Variants in CENPE observed in about 807,000 individuals in gnomAD.
CENPE encodes centromere protein E, also known as centromere-associated protein E.
In CENPE, 145 loss-of-function variants were observed where a neutral mutation model predicts 336.1. The observed-to-expected ratio is 0.43, with a 90% confidence interval of 0.38 to 0.50. The LOEUF is 0.50. Among genes scored for constraint, CENPE ranks in the 20% least tolerant of loss-of-function variants. The probability of loss-of-function intolerance (pLI) is 0.00; values close to 1 mark genes in which losing one functional copy is unlikely to be tolerated. For missense variants in CENPE, 2,719 were observed against 3,023.3 expected, an observed-to-expected ratio of 0.90 and a Z score of 2.36; for synonymous variants, 1,013 against 984.8, an observed-to-expected ratio of 1.03 and a Z score of -0.54.
chr4:103,159,127 G>T lies in CENPE; in HGVS notation c.2484C>A (p.Asp828Glu). 6.2e-7 allele frequency: 1 copy of T among 1,607,590 alleles called. No homozygotes were observed. Among genetic ancestry groups the T allele is most frequent in the Non-Finnish European group, 8.5e-7 (1 of 1,177,754 alleles). The change falls in exon 22 of 49, where the codon GAC (aspartate) becomes GAA (glutamate). Residue 828 changes from aspartate (D) to glutamate (E), a missense_variant. Asp to Glu is a conservative substitution (Grantham distance 45, BLOSUM62 2). Around this residue, in one of 5 missense-constraint regions of CENPE, gnomAD observed 2,437 missense variants for 2,513.3 expected, o/e 0.97. Coordinates refer to ENST00000265148, the MANE Select transcript of CENPE (RefSeq NM_001813.3). ...EFQNFKTLHM[D>E]FEQKYKMVLE... ...GGACCATCTTATACTTTTGCTCAAA[G>T]TCCATATGAAGGGTTTTGAAATTTT...
In CENPE at chr4:103,194,345, A is replaced by G. The variant is rs757050374; in HGVS notation, c.627+29T>C. On this transcript the variant is annotated intron_variant, in intron 7 of 48. Transcript: ENST00000265148. ...AAAATTAGTGCATTCTTACTTGGAA[A>G]GATCTAACAGATAGATAGAATTACC... 9.3e-6 allele frequency: 15 copies of G among 1,606,354 alleles called. No individual in the cohort carries two copies. In the African/African-American group the frequency reaches 1.1e-4, roughly 11 times the overall value.
chr4:103,161,755 T>G (rs1360411213), intron 18 of CENPE, among the ~76,000 whole-genome samples: 1 of 152,146 alleles, frequency 6.6e-6, no homozygotes, highest in Non-Finnish European at 1.5e-5. Context: ...GATGAAGTTT[T>G]CTATGTATTT....
At chr4:103,178,927 C>A (rs897936614) in intron 13 of CENPE, among the ~76,000 whole-genome samples, 1 of 152,158 alleles carries the variant, frequency 6.6e-6, no homozygotes, top group Admixed American at 6.6e-5. Context: ...AGTTAATGCC[C>A]AAATTGATAT....
Position 103,136,336 on chromosome 4 carries a change from C to T in CENPE, c.6327G>A (p.Glu2109=), listed in dbSNP as rs950170655. 1.9e-6 allele frequency: 3 copies of T among 1,609,838 alleles called. No homozygotes were observed. The highest frequency in any genetic ancestry group is 1.7e-5 in the Admixed American group (1 of 59,722). ...RIKELLKRYS[E]MDDHYECLNR... ...TCAAGCACTCATAATGATCATCCAT[C>T]TCTGAGTATCTCTTCAAAAGCTCCT... The change falls in exon 40 of 49, where the codon GAG becomes GAA. Residue 2109 remains glutamate (E), a synonymous_variant. Transcript: ENST00000265148.
chr4:103,189,476 G>C (rs1388533867), intron 8 of CENPE, among the ~76,000 whole-genome samples: 1 of 152,164 alleles, frequency 6.6e-6, no homozygotes, highest in East Asian at 1.9e-4. Flanking sequence ...GGGATGCAAG[G>C]CTGGTTTAAC....
At chr4:103,196,698 C>G (rs1190333288) in intron 2 of CENPE, 61 bp downstream of exon 2, 2 of 795,160 alleles carry the variant, frequency 2.5e-6, no homozygotes, top group African/African-American at 3.5e-5. Context: ...ATTGATAAGC[C>G]TTTTGTACTT....
rs766797389 is a variant in CENPE at position 103,145,710 on chromosome 4, T to A, written c.4414-29A>T. The A allele has an allele frequency of 5.2e-6, 8 of 1,540,370 alleles. No homozygotes were observed. In the Admixed American group the frequency reaches 1.5e-4, roughly 29 times the overall value. ...TATTATTAGAGGAAATTCCAATAAA[T>A]TTATAGAAACATTATAACTATTTTG... On this transcript the variant is annotated intron_variant, in intron 30 of 48. Coordinates refer to ENST00000265148, the MANE Select transcript of CENPE (RefSeq NM_001813.3).
chr4:103,173,329 C>T (rs1486618890), intron 16 of CENPE, among the ~76,000 whole-genome samples: 2 of 151,970 alleles, frequency 1.3e-5, no homozygotes, highest in African/African-American at 2.4e-5. Flanking sequence ...ACTAGATCTC[C>T]TGTCTCTCAT....
chr4:103,114,721 T>C (rs1401523938), intron 45 of CENPE, among the ~76,000 whole-genome samples, 169 bp from the exon 46 acceptor site: 4 of 152,254 alleles, frequency 2.6e-5, no homozygotes, highest in Non-Finnish European at 4.4e-5. Flanking sequence ...CCTTATGGCA[T>C]TAATGCCATC....
intron 13 of CENPE, 153 bp downstream of exon 13, chr4:103,180,158 T>C: frequency 2.0e-6 from 1 of 502,500 alleles, no homozygotes; most frequent in Admixed American, 4.2e-5. Context: ...GCATTTTTAA[T>C]GAATCTCTTA....
At chr4:103,112,334 T>C (rs920842374) in intron 46 of CENPE, among the ~76,000 whole-genome samples, 4 of 147,132 alleles carry the variant, frequency 2.7e-5, no homozygotes, top group Admixed American at 6.9e-5. Context: ...TATATATATA[T>C]ACACTTATAT....
chr4:103,179,932 T>C (rs1214102448), intron 13 of CENPE, among the ~76,000 whole-genome samples: 8 of 152,228 alleles, frequency 5.3e-5, no homozygotes, highest in African/African-American at 1.2e-4. Flanking sequence ...AGAGTCTACA[T>C]TGACACAATT....
Position 103,161,112 on chromosome 4 carries a change from G to A in CENPE, c.2105C>T (p.Ser702Phe). 6.2e-7 allele frequency: 1 copy of A among 1,603,258 alleles called. No homozygotes were observed. The highest frequency in any genetic ancestry group is 8.5e-7 in the Non-Finnish European group (1 of 1,176,444). Reference sequence around the variant, plus strand: ...TTTTGGAACTTTGCCATCTATAAGGGAGGTGAGTTTTGTTATCTCATTAAA... The same window carrying A: ...TTTTGGAACTTTGCCATCTATAAGGAAGGTGAGTTTTGTTATCTCATTAAA... ...SAFNEITKLT[S>F]LIDGKVPKDL... The change falls in exon 20 of 49, where the codon TCC (serine) becomes TTC (phenylalanine). Residue 702 changes from serine (S) to phenylalanine (F), a missense_variant. This residue lies in a region of CENPE where 2,437 missense variants were observed against 2,513.3 expected (regional missense o/e 0.97). Coordinates refer to ENST00000265148, the MANE Select transcript of CENPE (RefSeq NM_001813.3).
rs772361306 is a variant in CENPE at position 103,108,940 on chromosome 4, T to C, written c.7874A>G (p.Gln2625Arg). The change falls in exon 48 of 49, where the codon CAA becomes CGA. Residue 2625 changes from glutamine (Q) to arginine (R), a missense_variant. Transcript: ENST00000265148. ...ASKKKQITPS[Q>R]CKERNLQDPV... ...ATCTTGTAAATTCCGTTCCTTGCAT[T>C]GAGAGGGTGTAATTTGTTTCTTTTT... The C allele has an allele frequency of 3.7e-6, 6 of 1,613,672 alleles. No individual in the cohort carries two copies. Among genetic ancestry groups the C allele is most frequent in the African/African-American group, 1.3e-5 (1 of 74,902 alleles).
At position 103,159,107 on chromosome 4, in the gene CENPE, A is replaced by G; in HGVS notation, c.2504T>C (p.Met835Thr). The part of the protein sequence containing the change: ...LHMDFEQKYK[M>T]VLEENERMNQ... ...CATTCTCTCATTCTCCTCAAGGACCATCTTATACTTTTGCTCAAAGTCCAT... is the reference window on the plus strand; with the variant it reads ...CATTCTCTCATTCTCCTCAAGGACCGTCTTATACTTTTGCTCAAAGTCCAT... Residue 835 changes from methionine to threonine, a missense_variant, in exon 22 of 49, where the codon ATG (methionine) becomes ACG (threonine). By Grantham distance (81) the Met-to-Thr change is moderately conservative. Coordinates refer to ENST00000265148, the MANE Select transcript of CENPE (RefSeq NM_001813.3). 6.2e-7 allele frequency: 1 copy of G among 1,602,516 alleles called. No homozygotes were observed. The highest frequency in any genetic ancestry group is 2.2e-5 in the East Asian group (1 of 44,810).
chr4:103,190,982 C>A (rs113866998), intron 8 of CENPE, among the ~76,000 whole-genome samples: 3 of 150,782 alleles, frequency 2.0e-5, no homozygotes, highest in African/African-American at 4.9e-5. Flanking sequence ...GACAAGTGGG[C>A]GAAGGATATG....
In CENPE at chr4:103,108,991, G is replaced by A. The variant is rs998254790; in HGVS notation, c.7823C>T (p.Ser2608Phe). Residue 2608 changes from serine to phenylalanine, a missense_variant, in exon 48 of 49, where the codon TCT becomes TTT. Coordinates refer to ENST00000265148, the MANE Select transcript of CENPE (RefSeq NM_001813.3). ...KQVTCENSPKSPKVTGTASKK... is the reference protein window; with the variant it reads ...KQVTCENSPKFPKVTGTASKK... ...AGAAGCTGTTCCAGTCACTTTAGGA[G>A]ACTTTGGAGAATTCTCACAAGTTAC... 6.2e-7 allele frequency: 1 copy of A among 1,613,756 alleles called. No homozygotes were observed. Among genetic ancestry groups the A allele is most frequent in the Admixed American group, 1.7e-5 (1 of 59,988 alleles).
chr4:103,190,861 T>C (rs1167971954), intron 8 of CENPE, among the ~76,000 whole-genome samples: 1 of 150,606 alleles, frequency 6.6e-6, no homozygotes, highest in South Asian at 2.1e-4. Flanking sequence ...ACAGGCAACC[T>C]ATAGAAAGGG....
intron 9 of CENPE, 28 bp from the exon 10 acceptor site, chr4:103,183,316 T>C (rs1230629418): frequency 6.5e-6 from 10 of 1,541,294 alleles, no homozygotes; most frequent in Non-Finnish European, 8.9e-6. Flanking sequence ...ATATGAAAAC[T>C]AAACTTGACT....
Sources: allele counts gnomAD v4.1 joint callset (sites outside exome capture counted in the v4.1 genomes callset), GRCh38; gene constraint gnomAD v4.1.1; regional missense constraint gnomAD v4.1.1; transcripts MANE v1.5; gene names NCBI Gene and HGNC (gene_info 2026-07-23, HGNC 2026-07-21).